Variants in ANO3 observed in about 807,000 individuals in gnomAD.
ANO3 encodes anoctamin 3.
A neutral mutation model predicts 144.8 loss-of-function variants in ANO3; 99 were observed. The ratio of observed to expected loss-of-function variants is 0.68; its 90% confidence interval spans 0.58 to 0.81. The LOEUF (loss-of-function observed/expected upper bound fraction) is 0.81, where lower values mean the gene tolerates loss of function less well. Among genes scored for constraint, ANO3 ranks in the 30% least tolerant of loss-of-function variants. The pLI, the probability that ANO3 is intolerant of heterozygous loss-of-function variation, is 0.00. For missense variants in ANO3, 905 were observed against 1,202.2 expected (o/e 0.75, Z 3.66); for synonymous variants, 414 against 392.6 (o/e 1.05, Z -0.64).
chr11:26,243,280 T>A (rs1852701027), intron 1 of ANO3, among the ~76,000 whole-genome samples: 1 of 152,070 alleles, frequency 6.6e-6, no homozygotes, highest in Admixed American at 6.6e-5. Flanking sequence ...TCTCTCTCTC[T>A]CACCCTCTCT....
At chr11:26,518,162 G>A (rs1054624109) in intron 6 of ANO3, among the ~76,000 whole-genome samples, 13 of 152,004 alleles carry the variant, frequency 8.6e-5, no homozygotes, top group Admixed American at 1.3e-4. Flanking sequence ...GTACAGCTAG[G>A]TAAGTTTGCA....
chr11:26,247,923 G>A (rs1332553469), intron 1 of ANO3, among the ~76,000 whole-genome samples: 3 of 151,398 alleles, frequency 2.0e-5, no homozygotes, highest in African/African-American at 7.3e-5. Context: ...GTAGAGACGG[G>A]GGTTTCACCA....
chr11:26,569,612 G>A (rs1310936985), intron 14 of ANO3, among the ~76,000 whole-genome samples: 1 of 152,080 alleles, frequency 6.6e-6, no homozygotes, highest in Non-Finnish European at 1.5e-5. Context: ...ACTGAACAAA[G>A]CACATTGCAA....
chr11:26,418,826 A>G (rs1393833572), intron 1 of ANO3, among the ~76,000 whole-genome samples: 2 of 152,068 alleles, frequency 1.3e-5, no homozygotes, highest in Non-Finnish European at 2.9e-5. Context: ...GGCATAGATT[A>G]CAGGCACATG....
chr11:26,306,217 GC>G (rs1854380319), upstream of ANO3, among the ~76,000 whole-genome samples: 1 of 149,586 alleles, frequency 6.7e-6, no homozygotes, highest in Admixed American at 6.8e-5. Context: ...CTCGTGATCA[GC>G]CCGCCTCGGC....
At chr11:26,541,717 A>T (rs1849648774) in intron 10 of ANO3, among the ~76,000 whole-genome samples, 1 of 152,148 alleles carries the variant, frequency 6.6e-6, no homozygotes, top group Non-Finnish European at 1.5e-5. Flanking sequence ...AATGGGTTCC[A>T]TTGTATTTTT....
upstream of ANO3, chr11:26,331,694 GCT>G (rs1855045988): frequency 6.5e-6 from 1 of 153,154 alleles, no homozygotes; most frequent in Non-Finnish European, 1.5e-5. Flanking sequence ...ATAGAACACA[GCT>G]TACCTAATAA....
At chr11:26,223,515 A>C (rs1852192171) in intron 1 of ANO3, among the ~76,000 whole-genome samples, 1 of 151,390 alleles carries the variant, frequency 6.6e-6, no homozygotes, top group African/African-American at 2.4e-5. Context: ...TCAGTTCCAA[A>C]GCCACTTCCA....
At chr11:26,595,031 G>T (rs570505162) in intron 14 of ANO3, among the ~76,000 whole-genome samples, 1 of 152,236 alleles carries the variant, frequency 6.6e-6, no homozygotes, top group Non-Finnish European at 1.5e-5. Context: ...TTTTGCCTTG[G>T]GGGGAATGTT....
intron 1 of ANO3, among the ~76,000 whole-genome samples, chr11:26,212,645 G>A (rs2133784252): frequency 6.6e-6 from 1 of 152,082 alleles, no homozygotes; most frequent in Middle Eastern, 3.4e-3. Flanking sequence ...GTAATTAGTA[G>A]CCTACCAACC....
At chr11:26,388,501 A>T (rs1856792177) in intron 1 of ANO3, among the ~76,000 whole-genome samples, 1 of 152,186 alleles carries the variant, frequency 6.6e-6, no homozygotes, top group Middle Eastern at 3.2e-3. Flanking sequence ...TAAATATCTA[A>T]TAATAGCTAA....
chr11:26,277,978 A>AATAT (rs1853594418), intron 1 of ANO3, among the ~76,000 whole-genome samples: 2 of 152,058 alleles, frequency 1.3e-5, no homozygotes, highest in Non-Finnish European at 2.9e-5. Flanking sequence ...AATTCAATAT[A>AATAT]TGGTTTTCCT....
chr11:26,254,166 A>G (rs973123406), intron 1 of ANO3, among the ~76,000 whole-genome samples: 20 of 152,160 alleles, frequency 1.3e-4, no homozygotes, highest in African/African-American at 4.8e-4. Flanking sequence ...ACTTACGAGT[A>G]CTTGTAGCAT....
intron 8 of ANO3, among the ~76,000 whole-genome samples, chr11:26,533,607 G>A (rs1849428967): frequency 6.6e-6 from 1 of 152,130 alleles, no homozygotes; most frequent in African/African-American, 2.4e-5. Context: ...AATCAGAGCT[G>A]TGCATTAAAG....
chr11:26,310,067 C>T (rs1399515724), intron 1 of ANO3, among the ~76,000 whole-genome samples: 1 of 152,152 alleles, frequency 6.6e-6, no homozygotes, highest in African/African-American at 2.4e-5. Flanking sequence ...AAAGGCCCTA[C>T]ACAAATCATT....
intron 6 of ANO3, among the ~76,000 whole-genome samples, chr11:26,523,616 G>T (rs915787333): frequency 2.0e-5 from 3 of 152,180 alleles, no homozygotes; most frequent in Non-Finnish European, 2.9e-5. Context: ...AGAAGAGAAA[G>T]GGAGGAGAAG....
At chr11:26,215,664 A>G (rs1852021675) in intron 1 of ANO3, among the ~76,000 whole-genome samples, 1 of 151,932 alleles carries the variant, frequency 6.6e-6, no homozygotes, top group Non-Finnish European at 1.5e-5. Flanking sequence ...AGGGTCTCTC[A>G]CCTGAAAGAA....
Position 26,559,485 on chromosome 11 carries a change from G to A in ANO3, c.1387-234G>A, listed in dbSNP as rs566446651. On this transcript the variant is annotated intron_variant, in intron 13 of 26. Transcript: ENST00000256737. ...ATCAGAAATGATGGTGGGGTATAAA[G>A]GGAATCAAGAGAGGAGAGAAGAGGG... is the stretch of plus-strand genomic sequence containing the variant. The A allele has an allele frequency of 8.7e-5, 40 of 459,334 alleles. 1 individual carries two copies. In the Middle Eastern group the frequency reaches 2.4e-3, roughly 28 times the overall value. 28.5% of individuals were successfully genotyped at this position (459,334 alleles called of 1,614,324 possible).
intron 1 of ANO3, among the ~76,000 whole-genome samples, chr11:26,215,316 A>T (rs1852015188): frequency 6.6e-6 from 1 of 152,024 alleles, no homozygotes; most frequent in Non-Finnish European, 1.5e-5. Flanking sequence ...TTATGGCCAC[A>T]AAGTATACTT....
Sources: gnomAD v4.1 joint callset for allele counts (sites outside exome capture counted in the v4.1 genomes callset) on GRCh38, gnomAD v4.1.1 for gene constraint, MANE v1.5 for transcripts, NCBI Gene and HGNC (gene_info 2026-07-23, HGNC 2026-07-21) for gene names.